The following MCC variants were observed in gnomAD, a reference collection of about 807,000 sequenced individuals.
MCC encodes MCC regulator of Wnt signaling pathway.
Under a neutral mutation model 116.2 loss-of-function variants are expected in MCC, and 90 were observed. That is an observed-to-expected ratio of 0.77 (90% CI 0.65 to 0.92). The LOEUF is 0.92. Ranked by LOEUF, MCC falls within the 40% of genes least tolerant of loss-of-function variation. The pLI is 0.00. For missense variants in MCC, 1,516 were observed against 1,312.2 expected (o/e 1.16, Z -2.40); for synonymous variants, 578 against 510.5 (o/e 1.13, Z -1.78).
At chr5:113,352,095 A>G (rs941970098) in intron 2 of MCC, among the ~76,000 whole-genome samples, 4 of 152,162 alleles carry the variant, frequency 2.6e-5, no homozygotes, top group Non-Finnish European at 4.4e-5. Context: ...ACATAAATGG[A>G]CCATATAAAG....
At chr5:113,459,133 A>ATGTGTGTGTG (rs542497591) in intron 1 of MCC, among the ~76,000 whole-genome samples, 2,418 of 68,292 alleles carry the variant, frequency 0.035, 98 homozygotes, top group Non-Finnish European at 0.041. Context: ...GAGTAAGGAT[A>ATGTGTGTGTG]TGTGTGTGTG....
At chr5:113,178,692 C>T (rs187514025) in intron 3 of MCC, among the ~76,000 whole-genome samples, 2 of 152,132 alleles carry the variant, frequency 1.3e-5, no homozygotes, top group African/African-American at 2.4e-5. Flanking sequence ...ATCACTGTTG[C>T]GTTAACCTCA....
intron 3 of MCC, among the ~76,000 whole-genome samples, chr5:113,320,148 C>T (rs922546280): frequency 5.3e-5 from 8 of 152,062 alleles, no homozygotes; most frequent in African/African-American, 1.9e-4. Context: ...TGCTTATTAG[C>T]GTATATAAAC....
intron 3 of MCC, among the ~76,000 whole-genome samples, chr5:113,276,379 G>T (rs984763517): frequency 6.6e-6 from 1 of 152,096 alleles, no homozygotes; most frequent in African/African-American, 2.4e-5. Context: ...GGGCATCAAG[G>T]TACCCTTGTT....
Position 113,043,649 on chromosome 5 carries a change from TTCCAGTTAGGCCTGAA to T in MCC, c.2656-35_2656-20del. ...CACACTCCTGACAACAGCAAACACA[TTCCAGTTAGGCCTGAA>T]TCCAAGCCGGCAGCACCCTGGAAGC... On this transcript the variant is annotated intron_variant, in intron 16 of 18. Transcript: ENST00000408903. The T allele has an allele frequency of 6.3e-7, 1 of 1,576,702 alleles. No homozygotes were observed. Among genetic ancestry groups the T allele is most frequent in the South Asian group, 1.1e-5 (1 of 90,030 alleles).
At chr5:113,367,243 C>A (rs753795691) in intron 2 of MCC, among the ~76,000 whole-genome samples, 1 of 151,648 alleles carries the variant, frequency 6.6e-6, no homozygotes, top group East Asian at 1.9e-4. Context: ...ACAGATAAGC[C>A]GAGTTTTTTT....
chr5:113,140,582 G>A (rs1759118733), intron 5 of MCC, among the ~76,000 whole-genome samples: 1 of 152,300 alleles, frequency 6.6e-6, no homozygotes, highest in South Asian at 2.1e-4. Context: ...AAGGTGCCTG[G>A]TGCTTTGATT....
chr5:113,079,988 T>C lies in MCC; in HGVS notation c.1784+2872A>G, dbSNP rs112253269. Among the ~76,000 whole-genome samples, 241 of 152,094 alleles carry C rather than the reference T, an allele frequency of 1.6e-3. 3 individuals are homozygous for C. The highest frequency in any genetic ancestry group is 5.4e-3 in the African/African-American group (224 of 41,492). The stretch of plus-strand genomic sequence containing the variant: ...TCAAACAACCCCATCAAAAAGTGGG[T>C]GAAGGATATGAACAGACACTTCTCA... On this transcript the variant is annotated intron_variant, in intron 11 of 18. Coordinates refer to ENST00000408903, the MANE Select transcript of MCC (RefSeq NM_001085377.2).
At chr5:113,478,714 A>T (rs1408474342) in intron 1 of MCC, among the ~76,000 whole-genome samples, 2 of 152,172 alleles carry the variant, frequency 1.3e-5, no homozygotes, top group African/African-American at 4.8e-5. Flanking sequence ...TAAAATTTGG[A>T]AGCTCTGGGC....
chr5:113,214,034 G>A (rs544443283), intron 3 of MCC, among the ~76,000 whole-genome samples: 2 of 152,046 alleles, frequency 1.3e-5, no homozygotes, highest in African/African-American at 2.4e-5. Flanking sequence ...GATGTTTTTT[G>A]CAATAGTATT....
intron 3 of MCC, among the ~76,000 whole-genome samples, chr5:113,329,631 CA>C (rs1221194670): frequency 6.6e-6 from 1 of 152,136 alleles, no homozygotes; most frequent in Non-Finnish European, 1.5e-5. Flanking sequence ...GTCCAACAAC[CA>C]AAAGTAATTA....
At chr5:113,365,108 C>A (rs527846616) in intron 2 of MCC, among the ~76,000 whole-genome samples, 1 of 152,322 alleles carries the variant, frequency 6.6e-6, no homozygotes, top group East Asian at 1.9e-4. Context: ...CTTTTCTTTT[C>A]TACCACATGG....
In MCC at chr5:113,046,710, A is replaced by AAAGAG; in HGVS notation, c.2655+2382_2655+2383insCTCTT. On this transcript the variant is annotated intron_variant, in intron 16 of 18. Transcript: ENST00000408903. ...CAAAAAAAAAAAAAAAAAAAAAAAA[A>AAAGAG]AGAGAGAGATTTTGAAGGTGTTTGT... Among the ~76,000 whole-genome samples the AAAGAG allele has an allele frequency of 3.8e-3, 385 of 102,446 alleles. 25 individuals carry two copies. The highest frequency in any genetic ancestry group is 0.015 in the African/African-American group (368 of 25,070). The allele number at this position is 102,446 out of a possible 152,430, so 67.2% of individuals were successfully genotyped here. A position where few individuals can be genotyped will look rare whatever the true frequency, so the allele number is the denominator to read the frequency against.
At chr5:113,469,920 C>A (rs1378050904) in intron 1 of MCC, among the ~76,000 whole-genome samples, 1 of 152,088 alleles carries the variant, frequency 6.6e-6, no homozygotes, top group African/African-American at 2.4e-5. Flanking sequence ...TGAATTGATC[C>A]CTTTACCATT....
intron 1 of MCC, among the ~76,000 whole-genome samples, chr5:113,416,107 T>G (rs566145197): frequency 1.3e-5 from 2 of 152,112 alleles, no homozygotes; most frequent in African/African-American, 4.8e-5. Context: ...AGAGGCTCAG[T>G]TGGAAATGCA....
chr5:113,099,333 T>C (rs1390398233), intron 8 of MCC, among the ~76,000 whole-genome samples: 1 of 152,224 alleles, frequency 6.6e-6, no homozygotes, highest in East Asian at 1.9e-4. Context: ...TGTGTCTATG[T>C]GTGCAGGCCT....
At chr5:113,285,096 G>A (rs181243490) in intron 3 of MCC, among the ~76,000 whole-genome samples, 14 of 152,102 alleles carry the variant, frequency 9.2e-5, no homozygotes, top group African/African-American at 3.4e-4. Context: ...CACTGAAGAT[G>A]TCAAAAAAAT....
chr5:113,470,874 C>A (rs1377945676), intron 1 of MCC, among the ~76,000 whole-genome samples: 1 of 152,096 alleles, frequency 6.6e-6, no homozygotes. Context: ...AGACTTTGTT[C>A]GTTTCTTTTT....
intron 17 of MCC, among the ~76,000 whole-genome samples, chr5:113,037,840 A>T (rs369320608): frequency 7.2e-5 from 11 of 152,328 alleles, no homozygotes; most frequent in African/African-American, 2.4e-4. Context: ...GGAAAGATGA[A>T]TTGTCCAGAG....
Sources: gnomAD v4.1 joint callset for allele counts (sites outside exome capture counted in the v4.1 genomes callset) on GRCh38, gnomAD v4.1.1 for gene constraint, MANE v1.5 for transcripts, NCBI Gene and HGNC (gene_info 2026-07-23, HGNC 2026-07-21) for gene names.